THADA: variants seen among roughly 807,000 people sequenced by gnomAD.
THADA encodes tRNA (32-2'-O)-methyltransferase regulator THADA.
A neutral mutation model predicts 219.8 loss-of-function variants in THADA; 213 were observed. The observed-to-expected ratio is 0.97, with a 90% CI of 0.87 to 1.09. THADA has a LOEUF of 1.09. Among genes scored for constraint, THADA ranks in the 50% least tolerant of loss-of-function variants. THADA has a pLI of 0.00. For missense variants in THADA, 2,956 were observed against 2,311.3 expected (o/e 1.28, Z -5.72); for synonymous variants, 1,018 against 828.9 (o/e 1.23, Z -3.92).
chr2:43,485,610 C>G (rs1048282001), intron 25 of THADA, among the ~76,000 whole-genome samples: 2 of 152,148 alleles, frequency 1.3e-5, no homozygotes, highest in African/African-American at 2.4e-5. Context: ...CTTAGAGCAT[C>G]AAATAACACT....
chr2:43,544,379 A>C (rs1285222937), intron 20 of THADA, among the ~76,000 whole-genome samples: 1 of 152,186 alleles, frequency 6.6e-6, no homozygotes, highest in East Asian at 1.9e-4. Context: ...GTGCCATATG[A>C]ACTGTAAAGT....
chr2:43,263,919 C>G (rs34475375), intron 36 of THADA, among the ~76,000 whole-genome samples: 3,481 of 152,122 alleles, frequency 0.023, 67 homozygotes, highest in Non-Finnish European at 0.035. Flanking sequence ...TACAGCTAAG[C>G]CTTTCATTAT....
At chr2:43,409,574 T>G (rs746353402) in intron 28 of THADA, among the ~76,000 whole-genome samples, 1 of 152,302 alleles carries the variant, frequency 6.6e-6, no homozygotes, top group East Asian at 1.9e-4. Flanking sequence ...CCAGTACCCA[T>G]GTTTATACTG....
At chr2:43,327,382 C>T (rs764776167) in intron 30 of THADA, among the ~76,000 whole-genome samples, 22 of 146,830 alleles carry the variant, frequency 1.5e-4, no homozygotes, top group Non-Finnish European at 3.0e-4. Flanking sequence ...AGGCCCATAA[C>T]GGGCTGGAAA....
intron 36 of THADA, among the ~76,000 whole-genome samples, chr2:43,239,323 G>A (rs1200149678): frequency 6.6e-6 from 1 of 152,152 alleles, no homozygotes; most frequent in African/African-American, 2.4e-5. Flanking sequence ...ATACTCCCTG[G>A]TGCTTCTTCT....
intron 36 of THADA, among the ~76,000 whole-genome samples, chr2:43,265,540 A>G (rs572696198): frequency 1.3e-5 from 2 of 152,288 alleles, no homozygotes; most frequent in East Asian, 3.9e-4. Flanking sequence ...AACGTCTGTT[A>G]TCACTCCTGT....
chr2:43,465,628 A>G (rs1044598555), intron 26 of THADA, among the ~76,000 whole-genome samples: 1 of 152,244 alleles, frequency 6.6e-6, no homozygotes, highest in Non-Finnish European at 1.5e-5. Context: ...ATGTCTGCTG[A>G]GGGATCCTCA....
intron 31 of THADA, among the ~76,000 whole-genome samples, chr2:43,304,201 A>G (rs1326479422): frequency 6.6e-6 from 1 of 152,038 alleles, no homozygotes; most frequent in Non-Finnish European, 1.5e-5. Context: ...CTTGTGCCAA[A>G]ATAAAAAGGG....
At chr2:43,410,233 A>T (rs1676113264) in intron 28 of THADA, among the ~76,000 whole-genome samples, 2 of 152,210 alleles carry the variant, frequency 1.3e-5, no homozygotes, top group Non-Finnish European at 2.9e-5. Context: ...AGTTAAAAAG[A>T]CTGAGCATAC....
chr2:43,475,307 T>G (rs1685384500), intron 26 of THADA, among the ~76,000 whole-genome samples: 1 of 151,656 alleles, frequency 6.6e-6, no homozygotes, highest in Admixed American at 6.6e-5. Flanking sequence ...CCCCAGCTAC[T>G]TGGGAGGTTG....
At chr2:43,496,400 A>G (rs1688285305) in intron 25 of THADA, among the ~76,000 whole-genome samples, 1 of 152,202 alleles carries the variant, frequency 6.6e-6, no homozygotes, top group African/African-American at 2.4e-5. Context: ...CAGTGAACAT[A>G]TTACAAAAGA....
At chr2:43,566,392 G>C in intron 15 of THADA, 1 of 670,366 alleles carries the variant, frequency 1.5e-6, no homozygotes, top group Non-Finnish European at 2.7e-6. Flanking sequence ...GAACAGATTG[G>C]ATACTATCTT....
rs1237283868 is a variant in THADA, at chr2:43,577,172, C to T, written c.887G>A (p.Ser296Asn). 6 of 1,608,426 alleles carry T rather than the reference C, an allele frequency of 3.7e-6. No homozygotes were observed. Among genetic ancestry groups the T allele is most frequent in the Admixed American group, 3.4e-5 (2 of 59,168 alleles). ...CTGAGAGATGTCACCACAACAGAGGCTCCTGCAGCTGCTCATAAACCACTC... is the reference window on the plus strand; with the variant it reads ...CTGAGAGATGTCACCACAACAGAGGTTCCTGCAGCTGCTCATAAACCACTC... ...VPEWFMSSCR[S>N]LCCGDISQSA... Residue 296 changes from serine (S) to asparagine (N), a missense_variant, in exon 10 of 38, where the codon AGC (serine) becomes AAC (asparagine). Coordinates refer to ENST00000405975, the MANE Select transcript of THADA (RefSeq NM_022065.5).
intron 31 of THADA, among the ~76,000 whole-genome samples, chr2:43,300,763 C>G (rs962557692): frequency 1.3e-5 from 2 of 152,176 alleles, no homozygotes; most frequent in African/African-American, 4.8e-5. Context: ...AAGTGACATT[C>G]ATTTAGGCAC....
At chr2:43,500,237 G>C (rs1033018592) in intron 24 of THADA, among the ~76,000 whole-genome samples, 2 of 152,158 alleles carry the variant, frequency 1.3e-5, no homozygotes, top group African/African-American at 4.8e-5. Flanking sequence ...TTGGAAGTTA[G>C]GCTAGTGGTT....
intron 26 of THADA, among the ~76,000 whole-genome samples, chr2:43,479,541 C>T (rs1199440205): frequency 2.0e-5 from 3 of 151,872 alleles, no homozygotes; most frequent in African/African-American, 7.3e-5. Flanking sequence ...TAAGAATTAT[C>T]ATAAGCCTCA....
chr2:43,327,451 A>G (rs1679459927), intron 30 of THADA, among the ~76,000 whole-genome samples: 1 of 129,090 alleles, frequency 7.7e-6, no homozygotes, highest in African/African-American at 2.8e-5. Flanking sequence ...AAGGCAGGTG[A>G]GAAGGGGAGT....
At chr2:43,429,184 T>TG (rs1335613779) in intron 27 of THADA, among the ~76,000 whole-genome samples, 2 of 150,200 alleles carry the variant, frequency 1.3e-5, no homozygotes, top group Non-Finnish European at 3.0e-5. Flanking sequence ...CTCAGCTCAC[T>TG]GCAACCTCTG....
chr2:43,412,827 C>T (rs1194046310), intron 28 of THADA, among the ~76,000 whole-genome samples: 1 of 152,186 alleles, frequency 6.6e-6, no homozygotes, highest in Non-Finnish European at 1.5e-5. Context: ...TGTTTTCACT[C>T]AAAGTGAGCT....
Sources: allele counts gnomAD v4.1 joint callset (sites outside exome capture counted in the v4.1 genomes callset), GRCh38; gene constraint gnomAD v4.1.1; transcripts MANE v1.5; gene names NCBI Gene and HGNC (gene_info 2026-07-23, HGNC 2026-07-21).